The following MYO16 variants were observed in gnomAD, a reference collection of about 807,000 sequenced individuals.
MYO16 encodes unconventional myosin-XVI.
A neutral mutation model predicts 205.3 loss-of-function variants in MYO16; 94 were observed. That is an observed-to-expected ratio of 0.46 (90% CI 0.39 to 0.54). The LOEUF (loss-of-function observed/expected upper bound fraction) is 0.54, where lower values mean the gene tolerates loss of function less well. Ranked by LOEUF, MYO16 falls within the 20% of genes least tolerant of loss-of-function variation. The pLI is 0.00. For missense variants in MYO16, 2,315 were observed against 2,387.5 expected, an observed-to-expected ratio of 0.97 and a Z score of 0.63; for synonymous variants, 988 against 954.0, an observed-to-expected ratio of 1.04 and a Z score of -0.66.
At chr13:109,093,919 G>A (rs979923019) in intron 27 of MYO16, among the ~76,000 whole-genome samples, 1 of 152,038 alleles carries the variant, frequency 6.6e-6, no homozygotes, top group Non-Finnish European at 1.5e-5. Context: ...TCACACCCAG[G>A]AATCAGGGTC....
chr13:109,122,063 C>A (rs898775832), intron 29 of MYO16, among the ~76,000 whole-genome samples: 2 of 152,162 alleles, frequency 1.3e-5, no homozygotes, highest in African/African-American at 4.8e-5. Context: ...GGAACACCAG[C>A]GACACCAACA....
At chr13:108,610,525 A>G (rs923481038) in intron 1 of MYO16, among the ~76,000 whole-genome samples, 5 of 152,208 alleles carry the variant, frequency 3.3e-5, no homozygotes, top group Admixed American at 6.5e-5. Context: ...GCCCTTGTTT[A>G]TGAAGAAGCA....
intron 34 of MYO16, among the ~76,000 whole-genome samples, chr13:109,205,596 A>T (rs1472402835): frequency 2.6e-5 from 4 of 151,500 alleles, no homozygotes; most frequent in Non-Finnish European, 4.4e-5. Context: ...TTTTTTTTTT[A>T]AACCAGTATA....
rs193027242 is a variant in MYO16, at chr13:108,999,873, T to C, written c.2442+7425T>C. Among the ~76,000 whole-genome samples the C allele has an allele frequency of 1.2e-3, 190 of 152,298 alleles. 1 individual carries two copies. The highest frequency in any genetic ancestry group is 4.3e-3 in the African/African-American group (177 of 41,594). On this transcript the variant is annotated intron_variant, in intron 21 of 34. Transcript: ENST00000457511. ...TTCTAAACTTCACTTGATGCCCCTT[T>C]TGTTTGTATTTCTCTTAGGACTCAA...
At chr13:108,936,135 TC>T (rs1882475109) in intron 16 of MYO16, among the ~76,000 whole-genome samples, 2 of 148,094 alleles carry the variant, frequency 1.4e-5, no homozygotes, top group African/African-American at 2.6e-5. Context: ...CTTCCTTCCT[TC>T]CTTCCTTCCT....
At chr13:108,943,865 G>T (rs571313661) in intron 16 of MYO16, among the ~76,000 whole-genome samples, 3 of 152,214 alleles carry the variant, frequency 2.0e-5, no homozygotes, top group Non-Finnish European at 4.4e-5. Context: ...GATTACAGGC[G>T]AGAGCCACCG....
At chr13:108,776,286 T>C (rs1886122237) in intron 4 of MYO16, among the ~76,000 whole-genome samples, 1 of 152,070 alleles carries the variant, frequency 6.6e-6, no homozygotes, top group South Asian at 2.1e-4. Flanking sequence ...GTCAGGGGCA[T>C]CCAGAAAAAA....
intron 28 of MYO16, among the ~76,000 whole-genome samples, chr13:109,107,580 ACTT>A (rs1376240193): frequency 1.3e-5 from 2 of 151,990 alleles, no homozygotes; most frequent in Non-Finnish European, 2.9e-5. Context: ...TAGGGCCCTT[ACTT>A]CTTATTAGTA....
At chr13:109,098,363 A>G (rs866207230) in intron 27 of MYO16, among the ~76,000 whole-genome samples, 2 of 152,310 alleles carry the variant, frequency 1.3e-5, no homozygotes, top group Middle Eastern at 3.4e-3. Flanking sequence ...AGAATCGACA[A>G]ACTCTTGGAT....
chr13:108,784,469 G>A (rs17392034), intron 4 of MYO16, among the ~76,000 whole-genome samples: 12,020 of 152,028 alleles, frequency 0.079, 613 homozygotes, highest in Non-Finnish European at 0.12. Context: ...GTTAAGATAC[G>A]GAATATTTTA....
chr13:108,855,021 C>T lies in MYO16; in HGVS notation c.1249-422C>T, dbSNP rs902237774. Among the ~76,000 whole-genome samples, 3 of 152,304 alleles carry T rather than the reference C, an allele frequency of 2.0e-5. No homozygotes were observed. The South Asian group carries it at 6.2e-4, about 32-fold the overall frequency. On this transcript the variant is annotated intron_variant, in intron 10 of 34. Coordinates refer to ENST00000457511, the MANE Select transcript of MYO16 (RefSeq NM_001198950.3). ...ACACATTTCTTCCTTACCATGCCAA[C>T]AATGGTAACATGAAAAGTTTTGCTT... is the stretch of plus-strand genomic sequence containing the variant.
intron 27 of MYO16, among the ~76,000 whole-genome samples, chr13:109,097,796 A>G (rs1888825122): frequency 6.6e-6 from 1 of 152,192 alleles, no homozygotes; most frequent in African/African-American, 2.4e-5. Flanking sequence ...ACTAAGTTTG[A>G]AACATGAGCA....
chr13:109,150,967 C>A (rs755061163), intron 32 of MYO16, among the ~76,000 whole-genome samples: 4 of 152,170 alleles, frequency 2.6e-5, no homozygotes, highest in African/African-American at 7.2e-5. Context: ...CTGGGGTTTT[C>A]TTCCTTTTGT....
chr13:108,557,577 T>C, the MYO16 span, among the ~76,000 whole-genome samples: 1 of 152,230 alleles, frequency 6.6e-6, no homozygotes, highest in African/African-American at 2.4e-5. Flanking sequence ...TGTTATCCTC[T>C]GAACTGGGTC....
chr13:109,055,110 T>C lies in MYO16; in HGVS notation c.3113T>C (p.Ile1038Thr). 3 of 1,587,472 alleles carry C rather than the reference T, an allele frequency of 1.9e-6. No individual in the cohort carries two copies. The highest frequency in any genetic ancestry group is 2.6e-6 in the Non-Finnish European group (3 of 1,169,594). ...QRLERGDPVT[I>T]ASQLRKSLMD... Reference sequence around the variant, plus strand: ...TTGGAACGAGGAGATCCAGTCACCATAGCATCACAACTCAGGGTTAGTGAC... The same window carrying C: ...TTGGAACGAGGAGATCCAGTCACCACAGCATCACAACTCAGGGTTAGTGAC... Residue 1038 changes from isoleucine to threonine, a missense_variant, in exon 26 of 35, where the codon ATA becomes ACA. By Grantham distance (89) the Ile-to-Thr change is moderately conservative. This residue lies in a region of MYO16 where 1,213 missense variants were observed against 1,274.4 expected (regional missense o/e 0.95). Coordinates refer to ENST00000457511, the MANE Select transcript of MYO16 (RefSeq NM_001198950.3). This position sits in a 1 kb window ranked among gnomAD's most constrained non-coding sequence, Gnocchi z 5.0.
At chr13:109,093,622 AGTTT>A (rs2139695656) in intron 27 of MYO16, among the ~76,000 whole-genome samples, 1 of 152,212 alleles carries the variant, frequency 6.6e-6, no homozygotes, top group East Asian at 1.9e-4. Flanking sequence ...CACAGCCTCC[AGTTT>A]GTTAGGTCAA....
chr13:108,893,892 G>C (rs78355885), intron 14 of MYO16, among the ~76,000 whole-genome samples: 4,363 of 152,220 alleles, frequency 0.029, 316 homozygotes, highest in East Asian at 0.23. Flanking sequence ...GCCAAATAAT[G>C]TGTAGTAAAA....
intron 23 of MYO16, among the ~76,000 whole-genome samples, chr13:109,038,263 T>G (rs1002113020): frequency 3.5e-4 from 54 of 152,164 alleles, no homozygotes; most frequent in African/African-American, 1.2e-3. Context: ...GTCTTCGAGG[T>G]GTTTTGGGAA....
At chr13:108,654,706 T>A (rs910283774) in intron 1 of MYO16, among the ~76,000 whole-genome samples, 5 of 152,178 alleles carry the variant, frequency 3.3e-5, no homozygotes, top group Non-Finnish European at 7.3e-5. Flanking sequence ...ATTTGTTGAA[T>A]GGCTTTGACA....
Sources: allele counts gnomAD v4.1 joint callset (sites outside exome capture counted in the v4.1 genomes callset), GRCh38; gene constraint gnomAD v4.1.1; regional missense constraint gnomAD v4.1.1; non-coding constraint Gnocchi (gnomAD v3.1); transcripts MANE v1.5; gene names NCBI Gene and HGNC (gene_info 2026-07-23, HGNC 2026-07-21).